PTPRD: variants seen among roughly 807,000 people sequenced by gnomAD.
PTPRD encodes receptor-type tyrosine-protein phosphatase delta.
PTPRD carries 34 observed loss-of-function variants against 214.5 expected under a neutral mutation model. The observed-to-expected ratio is 0.16, with a 90% confidence interval of 0.12 to 0.21. The LOEUF is 0.21. Among genes scored for constraint, PTPRD ranks in the 10% least tolerant of loss-of-function variants. The pLI, the probability that PTPRD is intolerant of heterozygous loss-of-function variation, is 1.00. For missense variants in PTPRD, 2,545 were observed against 2,398.7 expected (o/e 1.06, Z -1.27); for synonymous variants, 1,128 against 845.7 (o/e 1.33, Z -5.79).
intron 11 of PTPRD, among the ~76,000 whole-genome samples, chr9:8,802,093 C>T (rs781283421): frequency 6.6e-6 from 1 of 152,078 alleles, no homozygotes; most frequent in Non-Finnish European, 1.5e-5. Flanking sequence ...GATTAAATTG[C>T]TCTCTTAATA....
At chr9:9,134,058 C>CTTTTTTTTTTTT (rs928663989) in intron 10 of PTPRD, among the ~76,000 whole-genome samples, 1 of 75,422 alleles carries the variant, frequency 1.3e-5, no homozygotes, top group African/African-American at 5.5e-5. Flanking sequence ...TAGAATCATT[C>CTTTTTTTTTTTT]TTTTTTTTTT....
intron 3 of PTPRD, among the ~76,000 whole-genome samples, chr9:10,323,725 T>C (rs542612961): frequency 2.0e-5 from 3 of 152,112 alleles, no homozygotes; most frequent in East Asian, 2.0e-4. Flanking sequence ...TTAAACTTTG[T>C]CTGCTGAAAG....
chr9:10,237,092 G>A (rs2099631421), intron 3 of PTPRD, among the ~76,000 whole-genome samples: 1 of 151,780 alleles, frequency 6.6e-6, no homozygotes. Flanking sequence ...GTATTTGGAT[G>A]ATCATGATGT....
chr9:10,160,902 A>T (rs2099123604), intron 3 of PTPRD, among the ~76,000 whole-genome samples: 1 of 151,988 alleles, frequency 6.6e-6, no homozygotes, highest in East Asian at 1.9e-4. Flanking sequence ...TCCAAAAATC[A>T]GTAGCAGTTA....
chr9:8,459,731 A>G lies in PTPRD; in HGVS notation c.3875+680T>C, dbSNP rs560774710. Among the ~76,000 whole-genome samples, 3 of 152,200 alleles carry G rather than the reference A, an allele frequency of 2.0e-5. No individual in the cohort carries two copies. The East Asian group carries it at 5.8e-4, about 30-fold the overall frequency. On this transcript the variant is annotated intron_variant, in intron 33 of 45. Transcript: ENST00000381196. ...CATCCTAACTGTAGTCAAAGACACTACTCAAATCAACACATGGGCATAATA... is the reference window on the plus strand; with the variant it reads ...CATCCTAACTGTAGTCAAAGACACTGCTCAAATCAACACATGGGCATAATA...
At chr9:8,981,580 C>T (rs1352488544) in intron 11 of PTPRD, among the ~76,000 whole-genome samples, 2 of 151,606 alleles carry the variant, frequency 1.3e-5, no homozygotes, top group Non-Finnish European at 2.9e-5. Flanking sequence ...ATGTGGCAAC[C>T]CAGTGCTTAT....
At chr9:8,794,033 C>A (rs181314043) in intron 11 of PTPRD, among the ~76,000 whole-genome samples, 2 of 152,312 alleles carry the variant, frequency 1.3e-5, no homozygotes, top group Non-Finnish European at 1.5e-5. Context: ...AAACGTCTTA[C>A]TTGACTGCAG....
At chr9:9,150,490 G>GTA (rs1206232213) in intron 10 of PTPRD, among the ~76,000 whole-genome samples, 8 of 146,594 alleles carry the variant, frequency 5.5e-5, no homozygotes, top group East Asian at 2.0e-4. Flanking sequence ...ATATATATAT[G>GTA]TATATATATA....
At chr9:9,275,066 T>TAA (rs372180743) in intron 9 of PTPRD, among the ~76,000 whole-genome samples, 18,029 of 72,838 alleles carry the variant, frequency 0.25, 2,780 homozygotes, top group Middle Eastern at 0.33. Context: ...TATATATATA[T>TAA]TATATATATA....
At chr9:10,569,722 C>G (rs982233893) in intron 2 of PTPRD, among the ~76,000 whole-genome samples, 1 of 152,064 alleles carries the variant, frequency 6.6e-6, no homozygotes, top group South Asian at 2.1e-4. Context: ...CAAAGTGAGA[C>G]AATTATTGAA....
intron 9 of PTPRD, among the ~76,000 whole-genome samples, chr9:9,373,283 G>T (rs2059998221): frequency 6.6e-6 from 1 of 152,066 alleles, no homozygotes; most frequent in African/African-American, 2.4e-5. Context: ...TAAATTTGGT[G>T]AGAGAAATAA....
Position 10,049,407 on chromosome 9 carries a change from A to AAAAAAAAGAAAGAAAGAAAGAAAGAAAG in PTPRD, c.-544-15618_-544-15617insCTTTCTTTCTTTCTTTCTTTCTTTTTTT, listed in dbSNP as rs1555515116. Among the ~76,000 whole-genome samples, 3 of 115,736 alleles carry AAAAAAAAGAAAGAAAGAAAGAAAGAAAG rather than the reference A, an allele frequency of 2.6e-5. No homozygotes were observed. The South Asian group carries it at 8.3e-4, about 32-fold the overall frequency. 75.9% of individuals were successfully genotyped at this position (115,736 alleles called of 152,430 possible). On this transcript the variant is annotated intron_variant, in intron 3 of 45. Transcript: ENST00000381196. ...AAGCAGCTTCTCTGGTTAAAAAAAA[A>AAAAAAAAGAAAGAAAGAAAGAAAGAAAG]AAAGAAAGAAAGAAAGAAAGAAAGA...
chr9:10,394,056 T>TTATA (rs66596655), intron 2 of PTPRD, among the ~76,000 whole-genome samples: 17 of 140,066 alleles, frequency 1.2e-4, no homozygotes, highest in Admixed American at 1.5e-4. Context: ...TATATACATA[T>TTATA]TATATATATA....
chr9:8,914,696 C>T (rs766057437), intron 11 of PTPRD, among the ~76,000 whole-genome samples: 12 of 151,952 alleles, frequency 7.9e-5, no homozygotes, highest in Non-Finnish European at 1.0e-4. Flanking sequence ...ATAATGCTTA[C>T]GAAAGCATAA....
intron 5 of PTPRD, among the ~76,000 whole-genome samples, chr9:9,910,602 C>T (rs1434345238): frequency 2.0e-5 from 3 of 151,888 alleles, no homozygotes; most frequent in Non-Finnish European, 4.4e-5. Flanking sequence ...AAGTGTGTTG[C>T]TTCAATTTAT....
At chr9:9,034,631 C>A (rs2099615837) in intron 10 of PTPRD, among the ~76,000 whole-genome samples, 1 of 152,084 alleles carries the variant, frequency 6.6e-6, no homozygotes, top group Admixed American at 6.6e-5. Flanking sequence ...AATCTAAATT[C>A]ATATGTAGTG....
intron 9 of PTPRD, among the ~76,000 whole-genome samples, chr9:9,201,710 G>A (rs1569561686): frequency 6.6e-6 from 1 of 152,072 alleles, no homozygotes. Context: ...TAAAAATAAT[G>A]TTTTGTTGAT....
rs954184507 is a variant in PTPRD at position 10,564,314 on chromosome 9, C to T, written c.-600+48084G>A. 2.0e-5 allele frequency among the ~76,000 whole-genome samples: 3 copies of T among 150,468 alleles called. No individual in the cohort carries two copies. The Admixed American group carries it at 2.0e-4, about 10-fold the overall frequency. On this transcript the variant is annotated intron_variant, in intron 2 of 45. Transcript: ENST00000381196. ...ACAGGCACGAGCTGCTGAGTCCAGC[C>T]TCATATCCGAATTTTAAAATAGACG...
At chr9:10,151,205 C>T (rs1347979211) in intron 3 of PTPRD, among the ~76,000 whole-genome samples, 1 of 137,850 alleles carries the variant, frequency 7.3e-6, no homozygotes, top group Non-Finnish European at 1.5e-5. Context: ...GGATTACAGG[C>T]ACATGCCACC....
Sources: allele counts gnomAD v4.1 joint callset (sites outside exome capture counted in the v4.1 genomes callset), GRCh38; gene constraint gnomAD v4.1.1; transcripts MANE v1.5; gene names NCBI Gene and HGNC (gene_info 2026-07-23, HGNC 2026-07-21).